The following ASCC3 variants were observed in gnomAD, a reference collection of about 807,000 sequenced individuals.
ASCC3 encodes the protein ASC-1 complex subunit P200.
In ASCC3, 158 loss-of-function variants were observed where a neutral mutation model predicts 256.3. That is an observed-to-expected ratio of 0.62 (90% CI 0.54 to 0.70). ASCC3 has a LOEUF of 0.70. ASCC3 is among the 30% of genes least tolerant of loss of function. The pLI is 0.00. For synonymous variants in ASCC3, 948 were observed against 883.4 expected (o/e 1.07, Z -1.30); for missense variants, 2,259 against 2,626.0 (o/e 0.86, Z 3.05).
intron 24 of ASCC3, among the ~76,000 whole-genome samples, chr6:100,639,375 G>T (rs999268313): frequency 5.9e-5 from 9 of 152,162 alleles, no homozygotes; most frequent in African/African-American, 1.9e-4. Context: ...AACCTAGAAA[G>T]AAACTAGATT....
rs79676450 is a variant in ASCC3, at chr6:100,638,577, G to C, written c.4122+24C>G. 1,050 of 1,544,160 alleles carry C rather than the reference G, an allele frequency of 6.8e-4. 6 individuals carry two copies. The East Asian group carries it at 0.011, about 17-fold the overall frequency. ...TATGAACTGTCTTTTCTAATTAAAT[G>C]TAAGTATGATTCTTTCAACAGACCT... On this transcript the variant is annotated intron_variant, in intron 25 of 41. Transcript: ENST00000369162.
chr6:100,523,394 G>C (rs539295781), intron 37 of ASCC3, among the ~76,000 whole-genome samples: 1 of 152,198 alleles, frequency 6.6e-6, no homozygotes, highest in East Asian at 1.9e-4. Flanking sequence ...ATATCCTTGA[G>C]GTTAGGGGTA....
intron 11 of ASCC3, among the ~76,000 whole-genome samples, chr6:100,723,220 G>T (rs1300245738): frequency 6.6e-6 from 1 of 151,140 alleles, no homozygotes; most frequent in East Asian, 1.9e-4. Flanking sequence ...TTTTCTTATA[G>T]AAACCTATTA....
chr6:100,515,454 G>A (rs1233071785), intron 39 of ASCC3, among the ~76,000 whole-genome samples: 1 of 152,090 alleles, frequency 6.6e-6, no homozygotes, highest in Non-Finnish European at 1.5e-5. Flanking sequence ...TGTTAATTAT[G>A]TTATAAATCC....
At chr6:100,854,851 G>A (rs1401408370) in intron 3 of ASCC3, among the ~76,000 whole-genome samples, 1 of 152,056 alleles carries the variant, frequency 6.6e-6, no homozygotes, top group African/African-American at 2.4e-5. Context: ...AGCTCACTGA[G>A]ATTTAACTTC....
intron 4 of ASCC3, among the ~76,000 whole-genome samples, chr6:100,825,597 T>G (rs1045174089): frequency 2.0e-5 from 3 of 152,142 alleles, no homozygotes; most frequent in Non-Finnish European, 4.4e-5. Context: ...TTGCTCTTCT[T>G]GAGGAGTATC....
intron 10 of ASCC3, among the ~76,000 whole-genome samples, chr6:100,759,817 C>T (rs890229753): frequency 1.6e-4 from 24 of 152,144 alleles, no homozygotes; most frequent in African/African-American, 5.8e-4. Flanking sequence ...TTGTTTGTGT[C>T]CTCTCTTATT....
rs540884282 is a variant in ASCC3, at chr6:100,742,041, G to T, written c.1738-16338C>A. ...TTGAGGTTGCTGATCTCTGACTGGG[G>T]TTTTTGGGGTCCTTTTGTCAATGCT... On this transcript the variant is annotated intron_variant, in intron 10 of 41. Coordinates refer to ENST00000369162, the MANE Select transcript of ASCC3 (RefSeq NM_006828.4). Among the ~76,000 whole-genome samples, 6 of 152,212 alleles carry T rather than the reference G, an allele frequency of 3.9e-5. No homozygotes were observed. The East Asian group carries it at 1.2e-3, about 29-fold the overall frequency.
chr6:100,809,983 A>T (rs183549680), intron 4 of ASCC3, among the ~76,000 whole-genome samples: 5 of 152,212 alleles, frequency 3.3e-5, no homozygotes, highest in Admixed American at 3.3e-4. Flanking sequence ...TACTATACTA[A>T]CACGCAAATC....
intron 36 of ASCC3, among the ~76,000 whole-genome samples, chr6:100,585,503 A>T (rs12206182): frequency 5.9e-5 from 9 of 151,896 alleles, no homozygotes; most frequent in African/African-American, 1.7e-4. Flanking sequence ...CAAAGTTTTC[A>T]GTTTCTTTGC....
chr6:100,807,815 T>C (rs1486741520), intron 4 of ASCC3, among the ~76,000 whole-genome samples: 5 of 151,912 alleles, frequency 3.3e-5, no homozygotes, highest in Non-Finnish European at 7.4e-5. Flanking sequence ...ATGTATAAAA[T>C]TACTCCTACT....
chr6:100,848,040 T>C (rs1004949653), intron 4 of ASCC3, 108 bp downstream of exon 4: 61 of 1,113,918 alleles, frequency 5.5e-5, no homozygotes, highest in Non-Finnish European at 7.3e-5. Context: ...ATTCAACTAC[T>C]ATACAGAACA....
chr6:100,714,230 T>C (rs78919159), intron 13 of ASCC3, among the ~76,000 whole-genome samples: 3,656 of 152,304 alleles, frequency 0.024, 163 homozygotes, highest in African/African-American at 0.084. Context: ...TCAGACTCTT[T>C]ACAGAAAAAT....
chr6:100,868,071 G>T, intron 1 of ASCC3, 33 bp from the exon 2 acceptor site: 1 of 1,190,248 alleles, frequency 8.4e-7, no homozygotes. Context: ...TTATCTGTTC[G>T]GAAGAGGTGG....
intron 8 of ASCC3, among the ~76,000 whole-genome samples, chr6:100,788,155 G>C (rs1044937915): frequency 2.0e-5 from 3 of 151,894 alleles, no homozygotes; most frequent in African/African-American, 7.3e-5. Context: ...TTAAAAACTT[G>C]ACAAATTATT....
At chr6:100,579,599 G>A (rs781276589) in intron 36 of ASCC3, among the ~76,000 whole-genome samples, 9 of 151,900 alleles carry the variant, frequency 5.9e-5, no homozygotes, top group Non-Finnish European at 1.3e-4. Context: ...TGAATAGGGA[G>A]TCTTTTTCCC....
chr6:100,800,517 T>C lies in ASCC3; in HGVS notation c.923-13A>G, dbSNP rs1451673628. 1.9e-6 allele frequency: 3 copies of C among 1,558,660 alleles called. No homozygotes were observed. Among genetic ancestry groups the C allele is most frequent in the Non-Finnish European group, 8.8e-7 (1 of 1,135,812 alleles). ...TTTTTACAATTGTCTAAGAAGCAAA[T>C]TTAAGAAACACAATGTTTTATAAAT... On this transcript the variant is annotated splice_polypyrimidine_tract_variant and intron_variant, in intron 5 of 41. Transcript: ENST00000369162.
At chr6:100,829,439 C>T (rs1362198321) in intron 4 of ASCC3, among the ~76,000 whole-genome samples, 2 of 152,136 alleles carry the variant, frequency 1.3e-5, no homozygotes, top group Non-Finnish European at 2.9e-5. Context: ...AGGTGCTAAG[C>T]CCCTCATTGC....
chr6:100,601,888 C>G lies in ASCC3; in HGVS notation c.5225G>C (p.Gly1742Ala). The change falls in exon 34 of 42, where the codon GGT becomes GCT. Residue 1742 changes from glycine to alanine, a missense_variant. Gly to Ala is a moderately conservative substitution (Grantham distance 60). Coordinates refer to ENST00000369162, the MANE Select transcript of ASCC3 (RefSeq NM_006828.4). ...TGCATCTTGCTTAGATGTAATTGTA[C>G]CACCAGCAATCTCTGCATTTAAGTG... ...SDHLNAEIAG[G>A]TITSKQDALD... The G allele has an allele frequency of 6.2e-7, 1 of 1,612,512 alleles. No homozygotes were observed.
Sources: allele counts gnomAD v4.1 joint callset (sites outside exome capture counted in the v4.1 genomes callset), GRCh38; gene constraint gnomAD v4.1.1; transcripts MANE v1.5; gene names NCBI Gene and HGNC (gene_info 2026-07-23, HGNC 2026-07-21).